The following INTS6 variants were observed in gnomAD, a reference collection of about 807,000 sequenced individuals.
INTS6 encodes the protein integrator complex subunit 6, also known as DEAD box protein.
In INTS6, 16 loss-of-function variants were observed where a neutral mutation model predicts 104.9. That is an observed-to-expected ratio of 0.15 (90% CI 0.10 to 0.23). The LOEUF is 0.23. Among genes scored for constraint, INTS6 ranks in the 10% least tolerant of loss-of-function variants. The pLI is 1.00. For missense variants in INTS6, 584 were observed against 1,062.8 expected (o/e 0.55, Z 6.26); for synonymous variants, 324 against 358.7 (o/e 0.90, Z 1.09).
intron 4 of INTS6, chr13:51,422,970 C>T (rs2138074164): frequency 1.1e-6 from 1 of 920,030 alleles, no homozygotes; most frequent in African/African-American, 1.7e-5. Context: ...GTCTCAGAAC[C>T]TTCTGTTTAT....
intron 4 of INTS6, among the ~76,000 whole-genome samples, chr13:51,399,715 T>G (rs1415173323): frequency 8.5e-6 from 1 of 118,240 alleles, no homozygotes; most frequent in African/African-American, 2.6e-5. Context: ...TGGGTGTGTG[T>G]GTGTGTGCGT....
At chr13:51,361,294 T>C (rs753371836), downstream of INTS6, 5 of 1,609,240 alleles carry the variant, frequency 3.1e-6, no homozygotes, top group African/African-American at 2.7e-5. Context: ...ATGGCTTTTA[T>C]GTTTCTGAAG....
intron 15 of INTS6, among the ~76,000 whole-genome samples, chr13:51,369,601 C>A (rs1183628913): frequency 6.6e-6 from 1 of 152,078 alleles, no homozygotes; most frequent in African/African-American, 2.4e-5. Context: ...TTTATTGAAA[C>A]AAGTAGGTTC....
chr13:51,361,803 C>A lies in INTS6; in HGVS notation c.*3949G>T. 2 of 1,577,102 alleles carry A rather than the reference C, an allele frequency of 1.3e-6. No homozygotes were observed. Among genetic ancestry groups the A allele is most frequent in the Non-Finnish European group, 1.7e-6 (2 of 1,167,632 alleles). The stretch of plus-strand genomic sequence containing the variant: ...AATGCAATGGAATTTTTCTTTCTTT[C>A]CTGCAGCTCTGTTGTTATTGAAAAG... On this transcript the variant is annotated 3_prime_UTR_variant, in exon 18 of 18. Coordinates refer to ENST00000311234, the MANE Select transcript of INTS6 (RefSeq NM_012141.3).
At chr13:51,377,197 T>C (rs982270180) in intron 12 of INTS6, among the ~76,000 whole-genome samples, 1 of 152,174 alleles carries the variant, frequency 6.6e-6, no homozygotes, top group Non-Finnish European at 1.5e-5. Context: ...GTGAAATGTC[T>C]GTTCAAATAT....
intron 9 of INTS6, among the ~76,000 whole-genome samples, chr13:51,382,420 G>A (rs1320166152): frequency 6.6e-6 from 1 of 152,104 alleles, no homozygotes; most frequent in East Asian, 1.9e-4. Context: ...AACAAAGCAT[G>A]CACAATGTTT....
Position 51,361,603 on chromosome 13 carries a change from T to G in INTS6, c.*4149A>C. 1.7e-6 allele frequency: 1 copy of G among 589,662 alleles called. No homozygotes were observed. Among genetic ancestry groups the G allele is most frequent in the South Asian group, 2.3e-5 (1 of 43,294 alleles). The allele number at this position is 589,662 out of a possible 1,614,324, so 36.5% of individuals were successfully genotyped here. ...TACCTTCAATAAGGAATTTATTCCA[T>G]GGAATGTGTTGAAAACAGGAGACAG... On this transcript the variant is annotated 3_prime_UTR_variant, in exon 18 of 18. Transcript: ENST00000311234.
At chr13:51,375,768 C>T (rs202135212) in intron 13 of INTS6, among the ~76,000 whole-genome samples, 51 of 120,328 alleles carry the variant, frequency 4.2e-4, no homozygotes, top group African/African-American at 1.2e-3. Context: ...TGTGTGTGTG[C>T]GCGCGCGTGC....
intron 4 of INTS6, among the ~76,000 whole-genome samples, chr13:51,412,670 G>T (rs1956709345): frequency 6.6e-6 from 1 of 152,142 alleles, no homozygotes; most frequent in African/African-American, 2.4e-5. Context: ...AACCAGAGTG[G>T]TTTCATTATA....
At chr13:51,357,742 C>A (rs1260024976), downstream of INTS6, among the ~76,000 whole-genome samples, 1 of 151,988 alleles carries the variant, frequency 6.6e-6, no homozygotes, top group African/African-American at 2.4e-5. Context: ...ACTGAAGATG[C>A]CAGCTAAAGA....
intron 5 of INTS6, among the ~76,000 whole-genome samples, chr13:51,393,268 G>C (rs1447578425): frequency 6.6e-6 from 1 of 152,054 alleles, no homozygotes; most frequent in Admixed American, 6.6e-5. Context: ...AGTAGAGACG[G>C]GGTTTCACCA....
intron 4 of INTS6, among the ~76,000 whole-genome samples, chr13:51,417,402 T>G (rs1331222260): frequency 6.6e-6 from 1 of 152,080 alleles, no homozygotes. Flanking sequence ...TTCATTCTCT[T>G]GCATGTGCAT....
chr13:51,362,885 T>G lies in INTS6; in HGVS notation c.*2867A>C, dbSNP rs1397522558. On this transcript the variant is annotated 3_prime_UTR_variant, in exon 18 of 18. Coordinates refer to ENST00000311234, the MANE Select transcript of INTS6 (RefSeq NM_012141.3). ...CACTAGAAAATAATCTATTTGGGATTATTTGGAGAGAAAAAGTCCATCAAC... is the reference window on the plus strand; with the variant it reads ...CACTAGAAAATAATCTATTTGGGATGATTTGGAGAGAAAAAGTCCATCAAC... 1.3e-5 allele frequency: 2 copies of G among 152,368 alleles called. No individual in the cohort carries two copies. The highest frequency in any genetic ancestry group is 2.4e-5 in the African/African-American group (1 of 41,424). 9.4% of individuals were successfully genotyped at this position (152,368 alleles called of 1,614,324 possible).
chr13:51,377,776 A>C (rs912981734), intron 12 of INTS6, among the ~76,000 whole-genome samples: 1 of 152,098 alleles, frequency 6.6e-6, no homozygotes, highest in Admixed American at 6.5e-5. Context: ...ATTCTTCTAA[A>C]ATTGTTTTGG....
intron 3 of INTS6, chr13:51,440,037 G>C (rs1213614080): frequency 6.6e-6 from 1 of 152,280 alleles, no homozygotes; most frequent in Non-Finnish European, 1.5e-5. Context: ...AGGAGATCAG[G>C]AGGTCAGGAG....
chr13:51,374,278 C>T lies in INTS6; in HGVS notation c.2034G>A (p.Gly678=). ...TTGTAGGTGCAGGTGGTCCTTTTCC[C>T]CCAATATGATTGTTTACAACAGGAT... is the stretch of plus-strand genomic sequence containing the variant. ...QQNPVVNNHI[G]GKGPPAPTTQ... is the part of the protein sequence containing the mutation. The change falls in exon 15 of 18, where the codon GGG becomes GGA. Residue 678 remains glycine (G), a synonymous_variant. Transcript: ENST00000311234. 6.2e-7 allele frequency: 1 copy of T among 1,614,024 alleles called. No individual in the cohort carries two copies. The highest frequency in any genetic ancestry group is 1.3e-5 in the African/African-American group (1 of 75,024).
chr13:51,384,713 AAACTGATATCAC>A, intron 7 of INTS6: 1 of 456,650 alleles, frequency 2.2e-6, no homozygotes, highest in Non-Finnish European at 4.4e-6. Context: ...AGACCTGGAT[AAACTGATATCAC>A]AAATTCTAAG....
intron 3 of INTS6, chr13:51,450,228 A>C: frequency 2.0e-6 from 2 of 984,764 alleles, no homozygotes; most frequent in Non-Finnish European, 2.4e-6. Context: ...AACATTATAC[A>C]TTGTTCAGTA....
chr13:51,348,464 C>T, the INTS6 span: 7 of 1,504,232 alleles, frequency 4.7e-6, no homozygotes, highest in South Asian at 3.5e-5. Context: ...GTCAGAAGAG[C>T]GTGGATTTGC....
Sources: allele counts gnomAD v4.1 joint callset (sites outside exome capture counted in the v4.1 genomes callset), GRCh38; gene constraint gnomAD v4.1.1; transcripts MANE v1.5; gene names NCBI Gene and HGNC (gene_info 2026-07-23, HGNC 2026-07-21).